FSTL5: variants seen among roughly 807,000 people sequenced by gnomAD.
The protein encoded by FSTL5 is follistatin-related protein 5.
A neutral mutation model predicts 89.1 loss-of-function variants in FSTL5; 62 were observed. The observed-to-expected ratio is 0.70, with a 90% CI of 0.57 to 0.86. The LOEUF (loss-of-function observed/expected upper bound fraction) is 0.86, where lower values mean the gene tolerates loss of function less well. Ranked by LOEUF, FSTL5 falls within the 40% of genes least tolerant of loss-of-function variation. FSTL5 has a pLI of 0.00. For synonymous variants in FSTL5, 383 were observed against 346.2 expected (o/e 1.11, Z -1.18); for missense variants, 1,057 against 1,001.6 (o/e 1.06, Z -0.75).
chr4:161,763,912 G>T (rs543012901), intron 5 of FSTL5, among the ~76,000 whole-genome samples: 2 of 152,216 alleles, frequency 1.3e-5, no homozygotes, highest in Non-Finnish European at 2.9e-5. Flanking sequence ...GCTGGTTCTT[G>T]GGCTACTTGG....
At chr4:162,077,651 A>T (rs1169589624) in intron 2 of FSTL5, among the ~76,000 whole-genome samples, 2 of 151,866 alleles carry the variant, frequency 1.3e-5, no homozygotes, top group Non-Finnish European at 2.9e-5. Flanking sequence ...ATATGTGGTG[A>T]TAATTAAAAA....
intron 7 of FSTL5, among the ~76,000 whole-genome samples, chr4:161,622,579 A>T (rs1339424330): frequency 6.6e-6 from 1 of 152,160 alleles, no homozygotes; most frequent in Middle Eastern, 3.4e-3. Context: ...ATAATGACCA[A>T]GTGGAGTTAC....
At chr4:161,808,017 G>T (rs113178891) in intron 4 of FSTL5, among the ~76,000 whole-genome samples, 270 of 152,158 alleles carry the variant, frequency 1.8e-3, no homozygotes, top group Middle Eastern at 3.4e-3. Flanking sequence ...TAGAAGAAAA[G>T]GAAGAAAAAA....
At chr4:161,861,961 CT>C (rs1731930933) in intron 4 of FSTL5, among the ~76,000 whole-genome samples, 1 of 152,184 alleles carries the variant, frequency 6.6e-6, no homozygotes, top group Non-Finnish European at 1.5e-5. Context: ...CCTTGTAAAA[CT>C]GACACAGCAT....
At chr4:161,825,321 A>G (rs867087725) in intron 4 of FSTL5, among the ~76,000 whole-genome samples, 1 of 150,036 alleles carries the variant, frequency 6.7e-6, no homozygotes, top group Non-Finnish European at 1.5e-5. Context: ...TTTTGCATCT[A>G]TATTCATCAG....
intron 8 of FSTL5, among the ~76,000 whole-genome samples, chr4:161,568,441 A>G (rs1419850367): frequency 1.3e-5 from 2 of 152,186 alleles, no homozygotes; most frequent in Admixed American, 1.3e-4. Context: ...TCTTCTTTAC[A>G]GTAGGGAAGT....
chr4:161,744,150 A>G (rs1374038668), intron 6 of FSTL5, among the ~76,000 whole-genome samples: 1 of 152,080 alleles, frequency 6.6e-6, no homozygotes, highest in African/African-American at 2.4e-5. Context: ...AAGCAAGAAT[A>G]CTGAACGTAT....
At chr4:162,019,675 G>C (rs117693303) in intron 3 of FSTL5, among the ~76,000 whole-genome samples, 1 of 151,588 alleles carries the variant, frequency 6.6e-6, no homozygotes, top group East Asian at 1.9e-4. Flanking sequence ...GCAGACACTT[G>C]TCGGAGCGTT....
chr4:162,000,521 C>T (rs1385164016), intron 3 of FSTL5, among the ~76,000 whole-genome samples: 2 of 151,534 alleles, frequency 1.3e-5, no homozygotes, highest in Admixed American at 6.6e-5. Flanking sequence ...TTGCCTGAAC[C>T]AGGGAGGTGG....
intron 15 of FSTL5, among the ~76,000 whole-genome samples, chr4:161,407,758 C>A (rs1731436258): frequency 7.7e-6 from 1 of 129,610 alleles, no homozygotes; most frequent in African/African-American, 2.8e-5. Context: ...GCCCACCTAC[C>A]CTACAGCCCT....
At chr4:161,962,995 T>C (rs1353053105) in intron 3 of FSTL5, among the ~76,000 whole-genome samples, 1 of 152,010 alleles carries the variant, frequency 6.6e-6, no homozygotes, top group African/African-American at 2.4e-5. Context: ...GAACTAACTT[T>C]GAATTCCAGC....
chr4:161,646,517 T>C (rs1458025599), intron 7 of FSTL5, among the ~76,000 whole-genome samples: 5 of 152,010 alleles, frequency 3.3e-5, no homozygotes, highest in Admixed American at 3.3e-4. Context: ...TAATGACATA[T>C]AAAATCCAGA....
chr4:161,924,964 A>T (rs190150092), intron 3 of FSTL5, among the ~76,000 whole-genome samples: 1 of 151,872 alleles, frequency 6.6e-6, no homozygotes, highest in Non-Finnish European at 1.5e-5. Flanking sequence ...AGAACAACAG[A>T]TTTTGGTCAT....
chr4:161,953,986 G>A (rs373918250), intron 3 of FSTL5, among the ~76,000 whole-genome samples: 1 of 151,624 alleles, frequency 6.6e-6, no homozygotes, highest in East Asian at 1.9e-4. Flanking sequence ...ATAATATACT[G>A]AGATATTATA....
intron 2 of FSTL5, among the ~76,000 whole-genome samples, chr4:162,086,109 T>C (rs1310177080): frequency 1.3e-5 from 2 of 152,066 alleles, no homozygotes; most frequent in Admixed American, 6.6e-5. Context: ...TAATATTTAA[T>C]ATATTTAATG....
At chr4:161,437,529 C>T (rs111611251) in intron 15 of FSTL5, among the ~76,000 whole-genome samples, 17 of 118,836 alleles carry the variant, frequency 1.4e-4, no homozygotes, top group African/African-American at 4.2e-4. Context: ...ATGGCGCCAC[C>T]GCACTCCAGC....
At chr4:161,683,419 T>C (rs116448809) in intron 6 of FSTL5, among the ~76,000 whole-genome samples, 59 of 152,278 alleles carry the variant, frequency 3.9e-4, no homozygotes, top group African/African-American at 1.4e-3. Context: ...ATTTTGGAGT[T>C]GGCATTATTT....
At chr4:161,846,289 T>C (rs1025190891) in intron 4 of FSTL5, among the ~76,000 whole-genome samples, 2 of 152,186 alleles carry the variant, frequency 1.3e-5, no homozygotes, top group African/African-American at 4.8e-5. Flanking sequence ...TTCAAAATTA[T>C]GTAATTTTAC....
At chr4:161,976,452 G>T (rs1735648636) in intron 3 of FSTL5, among the ~76,000 whole-genome samples, 1 of 152,040 alleles carries the variant, frequency 6.6e-6, no homozygotes, top group Admixed American at 6.6e-5. Flanking sequence ...TATTTATCAG[G>T]TGATTTTAAG....
Sources: gnomAD v4.1 joint callset for allele counts (sites outside exome capture counted in the v4.1 genomes callset) on GRCh38, gnomAD v4.1.1 for gene constraint, MANE v1.5 for transcripts, NCBI Gene and HGNC (gene_info 2026-07-23, HGNC 2026-07-21) for gene names.